Variants in RBM33 observed in about 807,000 individuals in gnomAD.
The protein encoded by RBM33 is RNA-binding protein 33.
Under a neutral mutation model 132.6 loss-of-function variants are expected in RBM33, and 28 were observed. The observed-to-expected ratio is 0.21, with a 90% CI of 0.16 to 0.29. The LOEUF is 0.29. Among genes scored for constraint, RBM33 ranks in the 10% least tolerant of loss-of-function variants. The pLI, the probability that RBM33 is intolerant of heterozygous loss-of-function variation, is 1.00. For missense variants in RBM33, 1,291 were observed against 1,518.5 expected, an observed-to-expected ratio of 0.85 and a Z score of 2.49; for synonymous variants, 634 against 593.0, an observed-to-expected ratio of 1.07 and a Z score of -1.01.
At chr7:155,765,626 C>A (rs952349512) in intron 15 of RBM33, among the ~76,000 whole-genome samples, 19 of 152,176 alleles carry the variant, frequency 1.2e-4, no homozygotes, top group Non-Finnish European at 2.2e-4. Flanking sequence ...AAACCTAGTG[C>A]CGTCCATCAC....
At chr7:155,740,092 G>C in intron 12 of RBM33, 66 bp downstream of exon 12, 1 of 1,446,266 alleles carries the variant, frequency 6.9e-7, no homozygotes, top group Admixed American at 2.8e-5. Context: ...GGACTTGAGG[G>C]GCATAATATG....
intron 15 of RBM33, among the ~76,000 whole-genome samples, chr7:155,764,702 G>A (rs193033465): frequency 4.5e-4 from 69 of 152,348 alleles, no homozygotes; most frequent in South Asian, 4.1e-4. Flanking sequence ...TGCCCTCTTG[G>A]TGCAGAAGCC....
intron 9 of RBM33, among the ~76,000 whole-genome samples, chr7:155,722,298 A>G (rs1800651765): frequency 6.6e-6 from 1 of 152,158 alleles, no homozygotes; most frequent in Non-Finnish European, 1.5e-5. Flanking sequence ...CCTCTTAACC[A>G]TCTACTAGTC....
intron 7 of RBM33, chr7:155,707,397 T>G: frequency 2.1e-6 from 1 of 476,834 alleles, no homozygotes; most frequent in South Asian, 1.7e-5. Context: ...CTGAGTGCAT[T>G]ACATTTGAGA....
chr7:155,702,431 T>C (rs960491022), intron 6 of RBM33, among the ~76,000 whole-genome samples: 1 of 152,172 alleles, frequency 6.6e-6, no homozygotes, highest in Admixed American at 6.5e-5. Flanking sequence ...TTTCAAGTTA[T>C]GATATGAAGT....
intron 1 of RBM33, among the ~76,000 whole-genome samples, chr7:155,660,183 C>T (rs1411209916): frequency 6.6e-6 from 1 of 152,188 alleles, no homozygotes; most frequent in Non-Finnish European, 1.5e-5. Context: ...AAGCAGTCCT[C>T]CCACTGCAAC....
chr7:155,755,603 T>C (rs1278365567), intron 14 of RBM33, among the ~76,000 whole-genome samples: 1 of 152,222 alleles, frequency 6.6e-6, no homozygotes, highest in Non-Finnish European at 1.5e-5. Flanking sequence ...CTGATAGGTA[T>C]AATCAAGAGT....
At chr7:155,712,952 G>A (rs1469495047) in intron 8 of RBM33, among the ~76,000 whole-genome samples, 1 of 152,220 alleles carries the variant, frequency 6.6e-6, no homozygotes, top group Non-Finnish European at 1.5e-5. Context: ...GGGTGGCAAG[G>A]GTGGAAGCTG....
At position 155,699,142 on chromosome 7, in the gene RBM33, C is replaced by T. The variant is rs550743940; in HGVS notation, c.568-1631C>T. On this transcript the variant is annotated intron_variant, in intron 5 of 17. Coordinates refer to ENST00000401878, the MANE Select transcript of RBM33 (RefSeq NM_053043.3). ...TAAACTTGTTTGGAAAGTCTTTGAACTGTGCTTACAGTTGTTAATAGTTGA... is the reference window on the plus strand; with the variant it reads ...TAAACTTGTTTGGAAAGTCTTTGAATTGTGCTTACAGTTGTTAATAGTTGA... 4.1e-4 allele frequency among the ~76,000 whole-genome samples: 63 copies of T among 152,310 alleles called. 2 individuals are homozygous for T. The South Asian group carries it at 0.013, about 31-fold the overall frequency.
chr7:155,651,921 G>A (rs963021355), intron 1 of RBM33, among the ~76,000 whole-genome samples: 1 of 152,200 alleles, frequency 6.6e-6, no homozygotes, highest in African/African-American at 2.4e-5. Context: ...TAACATAGGA[G>A]ATTTTTAAAA....
chr7:155,764,064 G>A, intron 15 of RBM33, 46 bp downstream of exon 15: 33 of 1,408,404 alleles, frequency 2.3e-5, no homozygotes, highest in Non-Finnish European at 3.1e-5. Flanking sequence ...GCGAAGGCCG[G>A]TGTGAGGCAG....
intron 9 of RBM33, among the ~76,000 whole-genome samples, chr7:155,720,579 G>C (rs940795082): frequency 6.6e-6 from 1 of 152,042 alleles, no homozygotes. Flanking sequence ...CATTTAATGA[G>C]GATCTACTTT....
chr7:155,682,766 C>T (rs1336579675), intron 5 of RBM33, among the ~76,000 whole-genome samples: 1 of 152,166 alleles, frequency 6.6e-6, no homozygotes. Flanking sequence ...GTCTCTTTCA[C>T]TTTGGTGTTC....
At chr7:155,710,843 C>T (rs1800262815) in intron 7 of RBM33, among the ~76,000 whole-genome samples, 1 of 151,872 alleles carries the variant, frequency 6.6e-6, no homozygotes, top group African/African-American at 2.4e-5. Flanking sequence ...AGGGCTGTGG[C>T]AGCTGCTCTT....
intron 9 of RBM33, among the ~76,000 whole-genome samples, chr7:155,731,255 C>T (rs1001767561): frequency 1.3e-5 from 2 of 152,206 alleles, no homozygotes; most frequent in South Asian, 2.1e-4. Flanking sequence ...AAGAGTCCTG[C>T]TGCAGCAGCC....
At chr7:155,718,344 TGAGTAAAG>T in intron 8 of RBM33, 33 bp from the exon 9 acceptor site, 1 of 1,560,850 alleles carries the variant, frequency 6.4e-7, no homozygotes, top group Non-Finnish European at 8.8e-7. Flanking sequence ...GTTTGAGTGT[TGAGTAAAG>T]TGTGTCTCTA....
Position 155,716,316 on chromosome 7 carries a change from G to GTTTTTTTTTTTTTTTTTTTTTTTTT in RBM33, c.1202-2053_1202-2052insTTTTTTTTTTTTTTTTTTTTTTTTT, listed in dbSNP as rs59289310. Among the ~76,000 whole-genome samples, 11 of 102,374 alleles carry GTTTTTTTTTTTTTTTTTTTTTTTTT rather than the reference G, an allele frequency of 1.1e-4. 1 individual carries two copies. Among genetic ancestry groups the GTTTTTTTTTTTTTTTTTTTTTTTTT allele is most frequent in the South Asian group, 3.4e-4 (1 of 2,902 alleles). The allele number at this position is 102,374 out of a possible 152,430, so 67.2% of individuals were successfully genotyped here. On this transcript the variant is annotated intron_variant, in intron 8 of 17. Transcript: ENST00000401878. ...TGTCAGCTGTTTTTCCTTTTCTGCTGTTTTTTTTTTTTTTTTAAATAGGGA... is the reference window on the plus strand; with the variant it reads ...TGTCAGCTGTTTTTCCTTTTCTGCTGTTTTTTTTTTTTTTTTTTTTTTTTTTTTTTTTTTTTTTTTTAAATAGGGA...
intron 1 of RBM33, among the ~76,000 whole-genome samples, chr7:155,651,495 T>C (rs1407341023): frequency 6.9e-6 from 1 of 144,402 alleles, no homozygotes; most frequent in Non-Finnish European, 1.5e-5. Flanking sequence ...GAAGGCTTCA[T>C]GGCTAGGCCA....
chr7:155,747,169 T>C (rs911267077), intron 14 of RBM33, among the ~76,000 whole-genome samples: 8 of 152,256 alleles, frequency 5.3e-5, no homozygotes, highest in African/African-American at 1.9e-4. Flanking sequence ...CTATTCGTTG[T>C]AATTAGAAAT....
Sources: gnomAD v4.1 joint callset for allele counts (sites outside exome capture counted in the v4.1 genomes callset) on GRCh38, gnomAD v4.1.1 for gene constraint, MANE v1.5 for transcripts, NCBI Gene and HGNC (gene_info 2026-07-23, HGNC 2026-07-21) for gene names.